Variants in PLCL1 observed in about 807,000 individuals in gnomAD.
The protein encoded by PLCL1 is phospholipase C like 1 (inactive), also known as inactive phospholipase C-like protein 1.
In PLCL1, 41 loss-of-function variants were observed where a neutral mutation model predicts 84.4. The observed-to-expected ratio is 0.49, with a 90% confidence interval of 0.38 to 0.63. The LOEUF is 0.63. Ranked by LOEUF, PLCL1 falls within the 30% of genes least tolerant of loss-of-function variation. PLCL1 has a pLI of 0.00. For missense variants in PLCL1, 1,206 were observed against 1,367.8 expected (o/e 0.88, Z 1.87); for synonymous variants, 490 against 488.3 (o/e 1.00, Z -0.05).
chr2:198,041,472 T>C (rs1021780255), intron 1 of PLCL1, among the ~76,000 whole-genome samples: 13 of 152,158 alleles, frequency 8.5e-5, no homozygotes, highest in Admixed American at 7.9e-4. Flanking sequence ...AATTTTTCAG[T>C]CAGTAATTTA....
intron 1 of PLCL1, among the ~76,000 whole-genome samples, chr2:197,986,471 C>A (rs944241480): frequency 9.9e-5 from 15 of 152,168 alleles, no homozygotes; most frequent in Non-Finnish European, 1.9e-4. Flanking sequence ...TCCACCTCAG[C>A]CTTTGAGTAG....
At chr2:198,072,534 G>A (rs12105927) in intron 1 of PLCL1, among the ~76,000 whole-genome samples, 110,315 of 151,726 alleles carry the variant, frequency 0.73, 40,961 homozygotes, top group African/African-American at 0.87. Context: ...AATAAATAGT[G>A]GGCTTTTTTG....
intron 1 of PLCL1, among the ~76,000 whole-genome samples, chr2:197,906,178 C>T (rs1211069977): frequency 1.3e-5 from 2 of 152,136 alleles, no homozygotes; most frequent in Non-Finnish European, 2.9e-5. Flanking sequence ...AGGTTTTCTT[C>T]TAGCGTTTTT....
chr2:197,885,893 T>C (rs1036790009), intron 1 of PLCL1, among the ~76,000 whole-genome samples: 1 of 152,178 alleles, frequency 6.6e-6, no homozygotes, highest in South Asian at 2.1e-4. Flanking sequence ...AAAACCTCTT[T>C]AGAGGGCACT....
At chr2:198,034,257 T>A (rs906978573) in intron 1 of PLCL1, among the ~76,000 whole-genome samples, 1 of 152,148 alleles carries the variant, frequency 6.6e-6, no homozygotes, top group Admixed American at 6.5e-5. Context: ...TGGTTTTTTG[T>A]CTTTGCGATA....
intron 1 of PLCL1, among the ~76,000 whole-genome samples, chr2:198,030,461 A>C (rs1691384458): frequency 6.6e-6 from 1 of 152,196 alleles, no homozygotes; most frequent in African/African-American, 2.4e-5. Flanking sequence ...GGAAGATAAA[A>C]AAGTTTAGGA....
At position 197,805,235 on chromosome 2, in the gene PLCL1, C is replaced by A; in HGVS notation, c.136C>A (p.Arg46Ser). 2 of 1,270,206 alleles carry A rather than the reference C, an allele frequency of 1.6e-6. No individual in the cohort carries two copies. Among genetic ancestry groups the A allele is most frequent in the Non-Finnish European group, 2.0e-6 (2 of 1,009,732 alleles). The allele number at this position is 1,270,206 out of a possible 1,614,324, so 78.7% of individuals were successfully genotyped here. A position where few individuals can be genotyped will look rare whatever the true frequency, so the allele number is the denominator to read the frequency against. Residue 46 changes from arginine to serine, a missense_variant, in exon 1 of 6, where the codon CGC (arginine) becomes AGC (serine). Transcript: ENST00000428675. The surrounding 1 kb of genome is among the most constrained non-coding windows in gnomAD (Gnocchi z 4.0). ...AASGGRMRDR[R>S]SGVALPGAAG... ...CTCTGGGGGCCGGATGAGGGACCGT[C>A]GCAGCGGGGTCGCACTGCCAGGCGC...
In PLCL1 at chr2:198,103,152, CAT is replaced by C. The variant is rs1421062206; in HGVS notation, c.2996-672_2996-671del. ...GGATGGTTCATAAAGAAAAATAAGA[CAT>C]ATGCATTCCTCACATATGGTTGCCA... On this transcript the variant is annotated intron_variant, in intron 4 of 5. Coordinates refer to ENST00000428675, the MANE Select transcript of PLCL1 (RefSeq NM_006226.4). Among the ~76,000 whole-genome samples the C allele has an allele frequency of 5.9e-5, 9 of 152,192 alleles. 1 individual carries two copies. In the South Asian group the frequency reaches 6.2e-4, roughly 11 times the overall value.
intron 1 of PLCL1, among the ~76,000 whole-genome samples, chr2:197,993,544 A>G (rs73058813): frequency 0.18 from 27,677 of 151,876 alleles, 2,595 homozygotes; most frequent in East Asian, 0.26. Context: ...CTAACAAGGG[A>G]TGTTGAAGTG....
chr2:198,021,433 G>T (rs779748397), intron 1 of PLCL1, among the ~76,000 whole-genome samples: 1 of 151,850 alleles, frequency 6.6e-6, no homozygotes, highest in Non-Finnish European at 1.5e-5. Flanking sequence ...CACAAAAAAC[G>T]CTTCAAAAAA....
At chr2:198,142,327 G>A (rs938436820) in intron 5 of PLCL1, among the ~76,000 whole-genome samples, 2 of 152,154 alleles carry the variant, frequency 1.3e-5, no homozygotes, top group South Asian at 4.2e-4. Flanking sequence ...GTAAATGTTA[G>A]CTGCTGTTTA....
chr2:198,011,301 A>G (rs1230014049), intron 1 of PLCL1, among the ~76,000 whole-genome samples: 2 of 151,550 alleles, frequency 1.3e-5, no homozygotes, highest in Admixed American at 6.6e-5. Flanking sequence ...TAAGTTTTGT[A>G]TGTTGTGTTT....
At chr2:197,816,626 T>C (rs561631695) in intron 1 of PLCL1, among the ~76,000 whole-genome samples, 1 of 152,278 alleles carries the variant, frequency 6.6e-6, no homozygotes, top group Non-Finnish European at 1.5e-5. Flanking sequence ...TATTGTAATC[T>C]GTTATGAATT....
chr2:197,828,737 C>A (rs948691484), intron 1 of PLCL1, among the ~76,000 whole-genome samples: 2 of 152,018 alleles, frequency 1.3e-5, no homozygotes, highest in Non-Finnish European at 2.9e-5. Flanking sequence ...CAGTCATTGC[C>A]ATTTGGGTAA....
intron 1 of PLCL1, among the ~76,000 whole-genome samples, chr2:197,940,729 A>T (rs1689142357): frequency 6.6e-6 from 1 of 152,226 alleles, no homozygotes; most frequent in South Asian, 2.1e-4. Context: ...ATGACAAAAG[A>T]CCATGTCTAT....
intron 1 of PLCL1, among the ~76,000 whole-genome samples, chr2:197,934,277 T>C (rs1689005469): frequency 6.6e-6 from 1 of 152,180 alleles, no homozygotes; most frequent in East Asian, 1.9e-4. Flanking sequence ...CTTTTAAAAG[T>C]AGTGTGAGCT....
chr2:197,942,274 C>T (rs1416516779), intron 1 of PLCL1, among the ~76,000 whole-genome samples: 2 of 152,154 alleles, frequency 1.3e-5, no homozygotes, highest in African/African-American at 2.4e-5. Flanking sequence ...TTCCTTTTCA[C>T]CACCATTTAA....
chr2:198,054,236 T>A (rs748231143), intron 1 of PLCL1, among the ~76,000 whole-genome samples: 4 of 152,232 alleles, frequency 2.6e-5, no homozygotes, highest in Non-Finnish European at 5.9e-5. Flanking sequence ...AAAGTATAAT[T>A]CAAGTCCAAT....
chr2:198,083,704 A>G (rs932680128), intron 1 of PLCL1, 54 bp from the exon 2 acceptor site: 4 of 1,216,916 alleles, frequency 3.3e-6, no homozygotes, highest in Non-Finnish European at 4.6e-6. Context: ...AGTGTTACTG[A>G]ATTTGTCTGT....
Sources: allele counts gnomAD v4.1 joint callset (sites outside exome capture counted in the v4.1 genomes callset), GRCh38; gene constraint gnomAD v4.1.1; non-coding constraint Gnocchi (gnomAD v3.1); transcripts MANE v1.5; gene names NCBI Gene and HGNC (gene_info 2026-07-23, HGNC 2026-07-21).